Variants in SLC25A21 observed in about 807,000 individuals in gnomAD.
The protein encoded by SLC25A21 is mitochondrial 2-oxodicarboxylate carrier.
SLC25A21 carries 47 observed loss-of-function variants against 43.8 expected under a neutral mutation model. That is an observed-to-expected ratio of 1.07 (90% CI 0.85 to 1.37). SLC25A21 has a LOEUF of 1.37. Ranked by LOEUF, SLC25A21 falls within the 40% of genes most tolerant of loss-of-function variation. The pLI is 0.00. For synonymous variants in SLC25A21, 131 were observed against 121.3 expected, an observed-to-expected ratio of 1.08 and a Z score of -0.52; for missense variants, 352 against 350.2, an observed-to-expected ratio of 1.00 and a Z score of -0.04.
chr14:36,706,810 C>T (rs1883590101), intron 7 of SLC25A21, among the ~76,000 whole-genome samples: 1 of 152,194 alleles, frequency 6.6e-6, no homozygotes, highest in African/African-American at 2.4e-5. Flanking sequence ...TAGTCCAAGA[C>T]CCCACCACTT....
chr14:37,155,869 C>T (rs1464811139), intron 1 of SLC25A21, among the ~76,000 whole-genome samples: 1 of 151,990 alleles, frequency 6.6e-6, no homozygotes, highest in African/African-American at 2.4e-5. Flanking sequence ...CAAAAACACA[C>T]AAAAGTAGCC....
At chr14:36,979,329 TTG>T (rs1491010432) in intron 1 of SLC25A21, among the ~76,000 whole-genome samples, 3 of 150,616 alleles carry the variant, frequency 2.0e-5, no homozygotes, top group African/African-American at 7.5e-5. Flanking sequence ...TAGTGTTTTT[TTG>T]GTTTTTTTTT....
chr14:36,695,719 G>A (rs1882988647), intron 7 of SLC25A21, among the ~76,000 whole-genome samples: 1 of 152,054 alleles, frequency 6.6e-6, no homozygotes, highest in Non-Finnish European at 1.5e-5. Flanking sequence ...GTCTGTTAAT[G>A]GAGTATAGGA....
At chr14:36,824,540 C>T (rs751446227) in intron 2 of SLC25A21, among the ~76,000 whole-genome samples, 3 of 152,060 alleles carry the variant, frequency 2.0e-5, no homozygotes, top group Non-Finnish European at 4.4e-5. Flanking sequence ...TAATCTATCC[C>T]AGTGTGTCCT....
At chr14:37,058,727 C>T (rs1961882955) in intron 1 of SLC25A21, among the ~76,000 whole-genome samples, 1 of 152,174 alleles carries the variant, frequency 6.6e-6, no homozygotes, top group African/African-American at 2.4e-5. Context: ...CCATAGCAAG[C>T]TCTTTGGGAT....
intron 3 of SLC25A21, among the ~76,000 whole-genome samples, chr14:36,739,662 G>T (rs1032033650): frequency 2.8e-5 from 4 of 143,542 alleles, no homozygotes; most frequent in Non-Finnish European, 4.5e-5. Flanking sequence ...TGGCAACAGA[G>T]CAAGACTCTG....
chr14:36,855,751 T>C (rs1645969397), intron 2 of SLC25A21, among the ~76,000 whole-genome samples: 4 of 152,192 alleles, frequency 2.6e-5, no homozygotes, highest in Admixed American at 2.6e-4. Flanking sequence ...CACTATATCC[T>C]CTGGGTTATG....
intron 2 of SLC25A21, among the ~76,000 whole-genome samples, chr14:36,827,564 A>T (rs1273128564): frequency 6.6e-6 from 1 of 152,190 alleles, no homozygotes; most frequent in Non-Finnish European, 1.5e-5. Flanking sequence ...CAATTTTTGA[A>T]ATAAGGCAAG....
intron 1 of SLC25A21, among the ~76,000 whole-genome samples, chr14:36,954,857 C>T (rs1369823733): frequency 6.6e-6 from 1 of 152,046 alleles, no homozygotes; most frequent in African/African-American, 2.4e-5. Flanking sequence ...TTAAGGGAGG[C>T]ACAAATTCTA....
At chr14:36,836,239 T>C (rs1038763103) in intron 2 of SLC25A21, among the ~76,000 whole-genome samples, 4 of 152,212 alleles carry the variant, frequency 2.6e-5, no homozygotes, top group African/African-American at 4.8e-5. Flanking sequence ...GCTACTTCTG[T>C]TGCTTGCTAA....
chr14:37,011,275 G>A (rs1300431144), intron 1 of SLC25A21, among the ~76,000 whole-genome samples: 1 of 152,104 alleles, frequency 6.6e-6, no homozygotes. Context: ...CTCCCAAAGG[G>A]CTGTGATTAC....
chr14:36,849,517 T>C (rs1269223235), intron 2 of SLC25A21, among the ~76,000 whole-genome samples: 2 of 152,196 alleles, frequency 1.3e-5, no homozygotes, highest in Non-Finnish European at 2.9e-5. Context: ...ATAAATTATT[T>C]TACCGAAACC....
At chr14:37,144,135 A>G (rs1442459773) in intron 1 of SLC25A21, among the ~76,000 whole-genome samples, 1 of 152,196 alleles carries the variant, frequency 6.6e-6, no homozygotes, top group Non-Finnish European at 1.5e-5. Context: ...AAACTTGAGT[A>G]ATAATGTCAC....
chr14:36,795,982 T>A (rs1199268156), intron 3 of SLC25A21, among the ~76,000 whole-genome samples: 8 of 151,866 alleles, frequency 5.3e-5, no homozygotes, highest in Non-Finnish European at 1.2e-4. Context: ...TGCCAAGGAG[T>A]TGTTCCAGCT....
At chr14:36,989,779 T>G (rs544400538) in intron 1 of SLC25A21, among the ~76,000 whole-genome samples, 1 of 152,202 alleles carries the variant, frequency 6.6e-6, no homozygotes, top group Non-Finnish European at 1.5e-5. Context: ...TATCTACTGC[T>G]ACAGTTCCTT....
intron 1 of SLC25A21, among the ~76,000 whole-genome samples, chr14:37,169,942 T>C (rs1284560523): frequency 6.6e-6 from 1 of 152,186 alleles, no homozygotes; most frequent in Admixed American, 6.5e-5. Flanking sequence ...TTTGCATTTA[T>C]ATTAGTTACA....
chr14:36,895,222 A>G (rs1447800633), intron 1 of SLC25A21, among the ~76,000 whole-genome samples: 2 of 152,058 alleles, frequency 1.3e-5, no homozygotes, highest in African/African-American at 4.8e-5. Context: ...TTCAGAGCCC[A>G]TTATTGGTCT....
chr14:36,740,432 C>T (rs528051839), intron 3 of SLC25A21, among the ~76,000 whole-genome samples: 2 of 152,268 alleles, frequency 1.3e-5, no homozygotes, highest in South Asian at 4.1e-4. Flanking sequence ...AGGTATTTTT[C>T]ACAAACCTAA....
chr14:36,729,586 T>G lies in SLC25A21; in HGVS notation c.271-20A>C, dbSNP rs1884739406. On this transcript the variant is annotated intron_variant, in intron 4 of 9. Coordinates refer to ENST00000331299, the MANE Select transcript of SLC25A21 (RefSeq NM_030631.4). Reference sequence around the variant, plus strand: ...GAAAAACTGTGAAACAAAACCAAACTCACAGATTTATAACAATTTTCCTGC... The same window carrying G: ...GAAAAACTGTGAAACAAAACCAAACGCACAGATTTATAACAATTTTCCTGC... 1 of 1,594,856 alleles carries G rather than the reference T, an allele frequency of 6.3e-7. No homozygotes were observed. The highest frequency in any genetic ancestry group is 8.5e-7 in the Non-Finnish European group (1 of 1,172,670).
Sources: allele counts gnomAD v4.1 joint callset (sites outside exome capture counted in the v4.1 genomes callset), GRCh38; gene constraint gnomAD v4.1.1; transcripts MANE v1.5; gene names NCBI Gene and HGNC (gene_info 2026-07-23, HGNC 2026-07-21).